RTF2: variants seen among roughly 807,000 people sequenced by gnomAD.
RTF2 encodes replication termination factor 2, also known as UPF0549 protein C20orf43.
RTF2 carries 18 observed loss-of-function variants against 38.0 expected under a neutral mutation model. The ratio of observed to expected loss-of-function variants is 0.47; its 90% confidence interval spans 0.33 to 0.70. The LOEUF (loss-of-function observed/expected upper bound fraction) is 0.70, where lower values mean the gene tolerates loss of function less well. RTF2 is among the 30% of genes least tolerant of loss of function. The pLI, the probability that RTF2 is intolerant of heterozygous loss-of-function variation, is 0.02. For missense variants in RTF2, 311 were observed against 379.6 expected, an observed-to-expected ratio of 0.82 and a Z score of 1.50; for synonymous variants, 126 against 137.1, an observed-to-expected ratio of 0.92 and a Z score of 0.57.
chr20:56,486,964 G>A (rs1013486029), intron 5 of RTF2, among the ~76,000 whole-genome samples: 8 of 152,110 alleles, frequency 5.3e-5, no homozygotes, highest in African/African-American at 1.7e-4. Context: ...GGTGTGAGTC[G>A]GACTGGATTG....
intron 5 of RTF2, among the ~76,000 whole-genome samples, chr20:56,501,004 A>G (rs1483086831): frequency 7.2e-5 from 11 of 152,330 alleles, no homozygotes; most frequent in East Asian, 5.8e-4. Flanking sequence ...AAAAATTGAT[A>G]CATAATAATT....
rs759419065 is a variant in RTF2 at position 56,518,289 on chromosome 20, C to A, written c.*24C>A. ...GAAGCCCGCACTGCCACCGCTCCTGCCCCAGAAGGTTGTTTAGTTTCCACG... is the reference window on the plus strand; with the variant it reads ...GAAGCCCGCACTGCCACCGCTCCTGACCCAGAAGGTTGTTTAGTTTCCACG... On this transcript the variant is annotated 3_prime_UTR_variant, in exon 9 of 9. Transcript: ENST00000357348. 1.3e-6 allele frequency: 2 copies of A among 1,598,350 alleles called. No individual in the cohort carries two copies. Among genetic ancestry groups the A allele is most frequent in the Admixed American group, 3.5e-5 (2 of 56,486 alleles).
intron 5 of RTF2, among the ~76,000 whole-genome samples, chr20:56,504,628 T>G (rs1167600960): frequency 1.3e-5 from 2 of 152,222 alleles, no homozygotes; most frequent in Non-Finnish European, 2.9e-5. Context: ...ACTGCACCCC[T>G]TCGCTAGGCT....
intron 5 of RTF2, among the ~76,000 whole-genome samples, chr20:56,494,822 A>G (rs1374135522): frequency 6.6e-6 from 1 of 152,166 alleles, no homozygotes; most frequent in Non-Finnish European, 1.5e-5. Context: ...TTTAATATCT[A>G]GTCTACTGTA....
At chr20:56,483,633 A>G (rs893836956) in intron 4 of RTF2, among the ~76,000 whole-genome samples, 2 of 152,226 alleles carry the variant, frequency 1.3e-5, no homozygotes, top group South Asian at 2.1e-4. Context: ...CCCAGCCCCA[A>G]TCTCCTGAAT....
chr20:56,495,367 G>C lies in RTF2; in HGVS notation c.477+11178G>C, dbSNP rs538479676. 25 of 1,204,708 alleles carry C rather than the reference G, an allele frequency of 2.1e-5. No homozygotes were observed. In the South Asian group the frequency reaches 2.6e-4, roughly 13 times the overall value. The allele number at this position is 1,204,708 out of a possible 1,614,324, so 74.6% of individuals were successfully genotyped here. Reference sequence around the variant, plus strand: ...CAGTTCTTTTAGTACAAGTTCTTCTGTGCTATCATTTCCATTTCCTCTAGA... The same window carrying C: ...CAGTTCTTTTAGTACAAGTTCTTCTCTGCTATCATTTCCATTTCCTCTAGA... On this transcript the variant is annotated intron_variant, in intron 5 of 8. Coordinates refer to ENST00000357348, the MANE Select transcript of RTF2 (RefSeq NM_016407.5).
At chr20:56,470,358 C>T (rs555696007) in intron 1 of RTF2, among the ~76,000 whole-genome samples, 1 of 152,194 alleles carries the variant, frequency 6.6e-6, no homozygotes, top group African/African-American at 2.4e-5. Flanking sequence ...TTCAAAAAAG[C>T]CAGAATGCCT....
chr20:56,503,864 A>G (rs1600823835), intron 5 of RTF2, among the ~76,000 whole-genome samples: 6 of 152,162 alleles, frequency 3.9e-5, no homozygotes, highest in Admixed American at 2.0e-4. Flanking sequence ...GCTACTCTGG[A>G]GCCTGAGGCA....
rs767637757 is a variant in RTF2, at chr20:56,474,779, G to A, written c.258+8G>A. 2.2e-5 allele frequency: 35 copies of A among 1,557,296 alleles called. No individual in the cohort carries two copies. Among genetic ancestry groups the A allele is most frequent in the African/African-American group, 2.7e-5 (2 of 73,450 alleles). ...CACATTAAAAGCATTAAGGTAACAC[G>A]AGTGATTCTGAAGTGCTGTGAGGGT... On this transcript the variant is annotated splice_region_variant and intron_variant, in intron 3 of 8. Transcript: ENST00000357348.
At chr20:56,496,947 A>C in intron 5 of RTF2, 1 of 1,551,498 alleles carries the variant, frequency 6.4e-7, no homozygotes, top group Non-Finnish European at 8.7e-7. Flanking sequence ...TTTGCTTCTG[A>C]TGTAGTGTAT....
At chr20:56,475,456 G>A (rs954058887) in intron 3 of RTF2, among the ~76,000 whole-genome samples, 5 of 152,072 alleles carry the variant, frequency 3.3e-5, no homozygotes, top group Admixed American at 2.6e-4. Flanking sequence ...TAGGCTTTTT[G>A]TTCAAATGCT....
intron 1 of RTF2, among the ~76,000 whole-genome samples, chr20:56,470,186 G>A (rs1981885209): frequency 6.6e-6 from 1 of 152,182 alleles, no homozygotes; most frequent in South Asian, 2.1e-4. Context: ...GTAAACAGGC[G>A]AATGCTGGAT....
intron 5 of RTF2, chr20:56,503,963 GAC>G (rs144803187): frequency 1.1e-4 from 16 of 152,308 alleles, no homozygotes; most frequent in East Asian, 3.8e-4. Flanking sequence ...GTGAGACCCT[GAC>G]ACACACACAC....
In RTF2 at chr20:56,516,747, G is replaced by T. The variant is rs987332876; in HGVS notation, c.592-188G>T. The T allele has an allele frequency of 2.0e-5, 13 of 636,442 alleles. No homozygotes were observed. The African/African-American group carries it at 2.2e-4, about 11-fold the overall frequency. 39.4% of individuals were successfully genotyped at this position (636,442 alleles called of 1,614,324 possible). On this transcript the variant is annotated intron_variant, in intron 6 of 8. Transcript: ENST00000357348. ...TGTGTGAGGCAGAAGTGCATGACTG[G>T]TGTCACATGCAGAGGGTGAAGGCTT...
At chr20:56,495,006 T>A (rs1983418124) in intron 5 of RTF2, among the ~76,000 whole-genome samples, 1 of 152,158 alleles carries the variant, frequency 6.6e-6, no homozygotes, top group Non-Finnish European at 1.5e-5. Context: ...TTTTTGTGAT[T>A]TGTGTACTTT....
chr20:56,506,762 A>G (rs991543538), intron 5 of RTF2, among the ~76,000 whole-genome samples: 2 of 151,894 alleles, frequency 1.3e-5, no homozygotes, highest in African/African-American at 4.8e-5. Flanking sequence ...GTGCAGTGGC[A>G]CGATCTCGGC....
At position 56,509,611 on chromosome 20, in the gene RTF2, C is replaced by CAA. The variant is rs567362731; in HGVS notation, c.478-3689_478-3688dup. On this transcript the variant is annotated intron_variant, in intron 5 of 8. Transcript: ENST00000357348. Reference sequence around the variant, plus strand: ...CTGGCGACAAAGCGAGATCCCATCTCAAAAAAAAAAAAAAAAGAAAAACGA... The same window carrying CAA: ...CTGGCGACAAAGCGAGATCCCATCTCAAAAAAAAAAAAAAAAAAGAAAAACGA... Among the ~76,000 whole-genome samples, 227 of 105,928 alleles carry CAA rather than the reference C, an allele frequency of 2.1e-3. 2 individuals carry two copies. Among genetic ancestry groups the CAA allele is most frequent in the African/African-American group, 3.3e-3 (92 of 27,890 alleles). 69.5% of individuals were successfully genotyped at this position (105,928 alleles called of 152,430 possible).
intron 8 of RTF2, 104 bp from the exon 9 acceptor site, chr20:56,517,983 A>G: frequency 2.6e-6 from 3 of 1,159,912 alleles, no homozygotes; most frequent in Non-Finnish European, 3.7e-6. Context: ...AGCCAGCAAG[A>G]GAACGTCTGG....
intron 5 of RTF2, among the ~76,000 whole-genome samples, chr20:56,494,842 A>G (rs1347920540): frequency 6.6e-6 from 1 of 152,226 alleles, no homozygotes; most frequent in Non-Finnish European, 1.5e-5. Context: ...ATTCAAACCC[A>G]AGGTCTCTAC....
Sources: allele counts gnomAD v4.1 joint callset (sites outside exome capture counted in the v4.1 genomes callset), GRCh38; gene constraint gnomAD v4.1.1; transcripts MANE v1.5; gene names NCBI Gene and HGNC (gene_info 2026-07-23, HGNC 2026-07-21).